The following SLIT3 variants were observed in gnomAD, a reference collection of about 807,000 sequenced individuals.
The protein encoded by SLIT3 is slit homolog 3 protein.
A neutral mutation model predicts 184.0 loss-of-function variants in SLIT3; 68 were observed. The observed-to-expected ratio is 0.37, with a 90% CI of 0.30 to 0.45. The LOEUF is 0.45. Ranked by LOEUF, SLIT3 falls within the 20% of genes least tolerant of loss-of-function variation. The pLI is 1.00. For missense variants in SLIT3, 1,707 were observed against 2,026.0 expected (o/e 0.84, Z 3.02); for synonymous variants, 831 against 828.6 (o/e 1.00, Z -0.05).
At chr5:169,122,276 G>A (rs1488022185) in intron 4 of SLIT3, among the ~76,000 whole-genome samples, 2 of 152,126 alleles carry the variant, frequency 1.3e-5, no homozygotes, top group Non-Finnish European at 2.9e-5. Context: ...CTCTCGAGAG[G>A]AGAACCAAGA....
In SLIT3 at chr5:169,011,095, C is replaced by T. The variant is rs76180077; in HGVS notation, c.414-127759G>A. On this transcript the variant is annotated intron_variant, in intron 4 of 35. Coordinates refer to ENST00000519560, the MANE Select transcript of SLIT3 (RefSeq NM_003062.4). ...CTGAAGACTCTAAGTCTATAAGGGC[C>T]GAAGCTATAACCAACACCTGCTTCA... 3.1e-4 allele frequency among the ~76,000 whole-genome samples: 47 copies of T among 152,100 alleles called. 2 individuals carry two copies. The East Asian group carries it at 6.2e-3, about 20-fold the overall frequency.
At chr5:168,899,000 A>C (rs1432136049) in intron 4 of SLIT3, among the ~76,000 whole-genome samples, 1 of 146,612 alleles carries the variant, frequency 6.8e-6, no homozygotes, top group Non-Finnish European at 1.5e-5. Context: ...CATTTGGGTA[A>C]AAGTATTCTT....
At chr5:168,792,060 G>C (rs1756394278) in intron 10 of SLIT3, 1 of 152,204 alleles carries the variant, frequency 6.6e-6, no homozygotes, top group Non-Finnish European at 1.5e-5. Context: ...TGAAGTACCT[G>C]GAGCCATAAG....
At chr5:169,067,123 G>A (rs1758378557) in intron 4 of SLIT3, among the ~76,000 whole-genome samples, 2 of 152,050 alleles carry the variant, frequency 1.3e-5, no homozygotes, top group Admixed American at 6.6e-5. Flanking sequence ...AATGACGGAC[G>A]AATTGGCCGG....
intron 4 of SLIT3, among the ~76,000 whole-genome samples, chr5:168,892,316 C>T (rs1760496242): frequency 6.6e-6 from 1 of 152,178 alleles, no homozygotes; most frequent in African/African-American, 2.4e-5. Context: ...ACACACACCT[C>T]AATCTGGACT....
chr5:169,215,467 A>T (rs1047474422), intron 3 of SLIT3, among the ~76,000 whole-genome samples: 1 of 152,076 alleles, frequency 6.6e-6, no homozygotes, highest in Non-Finnish European at 1.5e-5. Context: ...CCCTTTCTGT[A>T]AAGAGCCAAA....
chr5:169,006,028 C>T (rs1044024983), intron 4 of SLIT3, among the ~76,000 whole-genome samples: 8 of 152,194 alleles, frequency 5.3e-5, no homozygotes, highest in South Asian at 2.1e-4. Flanking sequence ...TGTGCTAGGC[C>T]CTTGTCCTTG....
chr5:168,765,079 C>T (rs147404074), intron 14 of SLIT3, among the ~76,000 whole-genome samples: 3 of 152,264 alleles, frequency 2.0e-5, no homozygotes, highest in East Asian at 3.9e-4. Flanking sequence ...CCTTGCAAAG[C>T]GAAGGAACCC....
At chr5:168,670,843 T>C (rs1459752259) in intron 34 of SLIT3, among the ~76,000 whole-genome samples, 2 of 152,180 alleles carry the variant, frequency 1.3e-5, no homozygotes, top group East Asian at 3.8e-4. Context: ...GTTTGATGTG[T>C]GGTTATATAC....
intron 4 of SLIT3, among the ~76,000 whole-genome samples, chr5:168,952,596 G>A (rs1363274371): frequency 1.4e-5 from 2 of 144,080 alleles, no homozygotes; most frequent in African/African-American, 2.9e-5. Context: ...AAGACAGAGA[G>A]GGAGAGAACA....
At chr5:169,135,371 C>T (rs1417164200) in intron 4 of SLIT3, among the ~76,000 whole-genome samples, 1 of 152,162 alleles carries the variant, frequency 6.6e-6, no homozygotes, top group Non-Finnish European at 1.5e-5. Flanking sequence ...CTCGGCCTCC[C>T]AAAGTGCTGG....
chr5:168,772,979 C>A, intron 13 of SLIT3, 35 bp from the exon 14 acceptor site: 1 of 1,551,662 alleles, frequency 6.4e-7, no homozygotes, highest in South Asian at 1.2e-5. Context: ...TCAGGAGTGA[C>A]CCACGGCGTC....
intron 4 of SLIT3, among the ~76,000 whole-genome samples, chr5:169,127,860 T>C (rs1028297658): frequency 2.2e-4 from 34 of 152,186 alleles, no homozygotes; most frequent in Non-Finnish European, 2.8e-4. Context: ...GAAGGGTTTT[T>C]CCTCAACCCC....
intron 6 of SLIT3, among the ~76,000 whole-genome samples, chr5:168,837,402 T>G (rs1758089911): frequency 6.6e-6 from 1 of 152,146 alleles, no homozygotes; most frequent in Non-Finnish European, 1.5e-5. Flanking sequence ...ACACACCAAT[T>G]TTCACTGTAG....
chr5:169,186,088 C>T (rs568078867), intron 4 of SLIT3, among the ~76,000 whole-genome samples: 4 of 152,322 alleles, frequency 2.6e-5, no homozygotes, highest in South Asian at 2.1e-4. Flanking sequence ...CATTTGGGAA[C>T]TGATTAAGGC....
At chr5:168,718,674 CCATACA>C (rs1369610519) in intron 23 of SLIT3, among the ~76,000 whole-genome samples, 1 of 69,978 alleles carries the variant, frequency 1.4e-5, no homozygotes, top group Non-Finnish European at 3.0e-5. Context: ...TCATATCCAC[CCATACA>C]CACACACACA....
chr5:169,127,427 G>T (rs146320141), intron 4 of SLIT3, among the ~76,000 whole-genome samples: 2 of 152,204 alleles, frequency 1.3e-5, no homozygotes, highest in Non-Finnish European at 2.9e-5. Context: ...TTAGTTTTGT[G>T]CCCTGAACTC....
At chr5:169,090,509 C>G (rs1489832938) in intron 4 of SLIT3, among the ~76,000 whole-genome samples, 1 of 152,190 alleles carries the variant, frequency 6.6e-6, no homozygotes, top group African/African-American at 2.4e-5. Flanking sequence ...CTCCAGGAAG[C>G]CTTTCCCACC....
At chr5:169,229,986 T>A (rs949651098) in intron 3 of SLIT3, among the ~76,000 whole-genome samples, 7 of 152,178 alleles carry the variant, frequency 4.6e-5, no homozygotes, top group African/African-American at 1.7e-4. Flanking sequence ...GTGAATCTGC[T>A]CTTCCTTCGG....
Sources: allele counts gnomAD v4.1 joint callset (sites outside exome capture counted in the v4.1 genomes callset), GRCh38; gene constraint gnomAD v4.1.1; transcripts MANE v1.5; gene names NCBI Gene and HGNC (gene_info 2026-07-23, HGNC 2026-07-21).